RPRD1A: variants seen among roughly 807,000 people sequenced by gnomAD.
The protein encoded by RPRD1A is regulation of nuclear pre-mRNA domain containing 1A.
RPRD1A carries 9 observed loss-of-function variants against 37.8 expected under a neutral mutation model. That is an observed-to-expected ratio of 0.24 (90% CI 0.14 to 0.42). The LOEUF (loss-of-function observed/expected upper bound fraction) is 0.42. RPRD1A is among the 10% of genes least tolerant of loss of function. The pLI is 1.00. For missense variants in RPRD1A, 255 were observed against 371.0 expected (o/e 0.69, Z 2.57); for synonymous variants, 138 against 139.7 (o/e 0.99, Z 0.08).
At chr18:36,020,867 T>C (rs1910950302) in intron 6 of RPRD1A, among the ~76,000 whole-genome samples, 1 of 151,590 alleles carries the variant, frequency 6.6e-6, no homozygotes, top group Non-Finnish European at 1.5e-5. Context: ...TTATCATACA[T>C]CCATATATTA....
At chr18:36,052,158 G>GAAAA (rs58995301) in intron 1 of RPRD1A, among the ~76,000 whole-genome samples, 2 of 143,820 alleles carry the variant, frequency 1.4e-5, no homozygotes, top group Non-Finnish European at 1.5e-5. Flanking sequence ...CATCCTAACA[G>GAAAA]AAAAAAAAAA....
At chr18:36,020,911 T>C (rs1477593503) in intron 6 of RPRD1A, among the ~76,000 whole-genome samples, 82 of 152,102 alleles carry the variant, frequency 5.4e-4, no homozygotes, top group Non-Finnish European at 1.5e-5. Context: ...ATGCATATAA[T>C]GTATTACATG....
intron 6 of RPRD1A, among the ~76,000 whole-genome samples, chr18:36,010,366 G>A (rs1280570709): frequency 6.6e-6 from 1 of 152,002 alleles, no homozygotes; most frequent in African/African-American, 2.4e-5. Context: ...GGTAGTGTGT[G>A]CCTGTAGTTC....
At chr18:36,041,306 C>A (rs963248216) in intron 1 of RPRD1A, among the ~76,000 whole-genome samples, 1 of 152,158 alleles carries the variant, frequency 6.6e-6, no homozygotes, top group Non-Finnish European at 1.5e-5. Flanking sequence ...CTAAACTTAT[C>A]TTCCATCTTA....
At chr18:36,065,276 G>C (rs1249239210) in intron 1 of RPRD1A, among the ~76,000 whole-genome samples, 1 of 152,160 alleles carries the variant, frequency 6.6e-6, no homozygotes, top group Non-Finnish European at 1.5e-5. Context: ...CATGTTTTTA[G>C]ACTTTACCCC....
rs71381561 is a variant in RPRD1A, at chr18:36,008,589, A to ATATATATATATATATTTATC, written c.790-15290_790-15289insGATAAATATATATATATATA. On this transcript the variant is annotated intron_variant, in intron 6 of 6. Transcript: ENST00000399022. ...AGACCTTGTGTGTGTATATATATAT[A>ATATATATATATATATTTATC]TCTTTAAAAATCTCTCTAGGAAAAA... is the stretch of plus-strand genomic sequence containing the variant. Among the ~76,000 whole-genome samples the ATATATATATATATATTTATC allele has an allele frequency of 5.5e-5, 5 of 90,826 alleles. 1 individual carries two copies. The highest frequency in any genetic ancestry group is 2.6e-4 in the Admixed American group (2 of 7,710). 59.6% of individuals were successfully genotyped at this position (90,826 alleles called of 152,430 possible).
chr18:36,065,181 A>G (rs4799844), intron 1 of RPRD1A, among the ~76,000 whole-genome samples: 35,087 of 152,180 alleles, frequency 0.23, 4,082 homozygotes, highest in East Asian at 0.25. Flanking sequence ...ACACACTATG[A>G]CAACCACTAT....
At chr18:36,057,255 T>TCACA (rs150915312) in intron 1 of RPRD1A, among the ~76,000 whole-genome samples, 10 of 149,942 alleles carry the variant, frequency 6.7e-5, no homozygotes, top group South Asian at 2.1e-4. Flanking sequence ...TATATATATA[T>TCACA]CACACACACA....
chr18:36,015,761 GA>G (rs1230406299), intron 6 of RPRD1A, among the ~76,000 whole-genome samples: 1 of 152,178 alleles, frequency 6.6e-6, no homozygotes, highest in African/African-American at 2.4e-5. Context: ...AAGGTATCCG[GA>G]ATAGCCAAAT....
At chr18:36,057,361 A>G (rs1482132203) in intron 1 of RPRD1A, among the ~76,000 whole-genome samples, 1 of 152,106 alleles carries the variant, frequency 6.6e-6, no homozygotes, top group Non-Finnish European at 1.5e-5. Flanking sequence ...TAATCCCAGC[A>G]CTTTGGGAGG....
intron 4 of RPRD1A, among the ~76,000 whole-genome samples, chr18:36,030,584 CCT>C (rs10570285): frequency 0.03 from 4,521 of 152,110 alleles, 218 homozygotes; most frequent in African/African-American, 0.1. Flanking sequence ...AATTAAAAAT[CCT>C]CTTTCTATAC....
Position 36,006,379 on chromosome 18 carries a change from G to A in RPRD1A, c.790-13079C>T, listed in dbSNP as rs116360925. ...AAATATTATGTAGAGACAGGGTCTCGCTATGTTGCCAGGGCTGGTCTCAAA... is the reference window on the plus strand; with the variant it reads ...AAATATTATGTAGAGACAGGGTCTCACTATGTTGCCAGGGCTGGTCTCAAA... On this transcript the variant is annotated intron_variant, in intron 6 of 6. Coordinates refer to ENST00000399022, the MANE Select transcript of RPRD1A (RefSeq NM_018170.5). Among the ~76,000 whole-genome samples, 1,346 of 152,134 alleles carry A rather than the reference G, an allele frequency of 8.8e-3. 26 individuals carry two copies. The highest frequency in any genetic ancestry group is 0.031 in the African/African-American group (1,277 of 41,498).
At position 35,993,286 on chromosome 18, in the gene RPRD1A, C is replaced by CTT; in HGVS notation, c.802_803dup (p.Leu269SerfsTer2). On this transcript the variant is annotated frameshift_variant, in exon 7 of 7. Transcript: ENST00000399022. LOFTEE classifies it high-confidence loss of function. The stretch of plus-strand genomic sequence containing the variant: ...TGCGCACCAGGGAAACTCTGGCTAG[C>CTT]TTGCGCTTGTACTCCTGTAACATCA... 6.2e-7 allele frequency: 1 copy of CTT among 1,614,176 alleles called. No individual in the cohort carries two copies. The highest frequency in any genetic ancestry group is 8.5e-7 in the Non-Finnish European group (1 of 1,180,028).
At chr18:36,030,512 C>A (rs1234225891) in intron 4 of RPRD1A, among the ~76,000 whole-genome samples, 1 of 151,924 alleles carries the variant, frequency 6.6e-6, no homozygotes, top group Non-Finnish European at 1.5e-5. Flanking sequence ...ACAAAATAGG[C>A]ATGTTTTGTT....
At chr18:36,050,246 T>TAA (rs545246553) in intron 1 of RPRD1A, among the ~76,000 whole-genome samples, 1 of 140,030 alleles carries the variant, frequency 7.1e-6, no homozygotes. Context: ...TACATATTTA[T>TAA]AAAAAAAAAA....
Position 36,026,896 on chromosome 18 carries a change from G to A in RPRD1A, c.789+4C>T, listed in dbSNP as rs369227797. 8 of 1,610,492 alleles carry A rather than the reference G, an allele frequency of 5.0e-6. No homozygotes were observed. The highest frequency in any genetic ancestry group is 6.8e-6 in the Non-Finnish European group (8 of 1,177,660). ...AAGCACTAAAGAAGAAAAAGGTTAC[G>A]CACTTCCAATTTATGCTCTTTCTCT... On this transcript the variant is annotated splice_donor_region_variant and intron_variant, in intron 6 of 6. Transcript: ENST00000399022.
At chr18:36,019,752 T>C (rs997071688) in intron 6 of RPRD1A, among the ~76,000 whole-genome samples, 3 of 152,146 alleles carry the variant, frequency 2.0e-5, no homozygotes, top group Admixed American at 6.5e-5. Flanking sequence ...CAAGAACCTG[T>C]TGGACGGCCG....
chr18:35,996,761 G>C (rs1427973095), intron 6 of RPRD1A, among the ~76,000 whole-genome samples: 1 of 151,956 alleles, frequency 6.6e-6, no homozygotes, highest in African/African-American at 2.4e-5. Context: ...GGAATGCTTT[G>C]AGCTCAGGAG....
intron 6 of RPRD1A, among the ~76,000 whole-genome samples, chr18:36,015,690 G>A (rs1353925941): frequency 6.6e-6 from 1 of 152,126 alleles, no homozygotes; most frequent in Non-Finnish European, 1.5e-5. Flanking sequence ...AACCTAGAGG[G>A]CATTATGCTA....
Sources: allele counts gnomAD v4.1 joint callset (sites outside exome capture counted in the v4.1 genomes callset), GRCh38; gene constraint gnomAD v4.1.1; transcripts MANE v1.5; gene names NCBI Gene and HGNC (gene_info 2026-07-23, HGNC 2026-07-21).